PLD5: variants seen among roughly 807,000 people sequenced by gnomAD.
PLD5 encodes the protein phospholipase D family member 5.
Under a neutral mutation model 61.1 loss-of-function variants are expected in PLD5, and 36 were observed. The ratio of observed to expected loss-of-function variants is 0.59; its 90% CI spans 0.45 to 0.78. The LOEUF (loss-of-function observed/expected upper bound fraction) is 0.78, where lower values mean the gene tolerates loss of function less well. Ranked by LOEUF, PLD5 falls within the 30% of genes least tolerant of loss-of-function variation. The pLI, the probability that PLD5 is intolerant of heterozygous loss-of-function variation, is 0.00. For missense variants in PLD5, 515 were observed against 644.4 expected (o/e 0.80, Z 2.17); for synonymous variants, 243 against 242.8 (o/e 1.00, Z -0.01).
chr1:242,111,680 C>A (rs1661516079), intron 7 of PLD5, among the ~76,000 whole-genome samples: 1 of 152,064 alleles, frequency 6.6e-6, no homozygotes, highest in Non-Finnish European at 1.5e-5. Flanking sequence ...AGATGAGTAA[C>A]CAGTCTGAAT....
intron 2 of PLD5, among the ~76,000 whole-genome samples, chr1:242,295,666 A>G (rs979643071): frequency 3.5e-4 from 53 of 152,160 alleles, no homozygotes; most frequent in Non-Finnish European, 6.8e-4. Flanking sequence ...CAGTGATGGA[A>G]TTGCTGGGTC....
intron 9 of PLD5, among the ~76,000 whole-genome samples, chr1:242,099,947 G>T (rs192252416): frequency 6.6e-6 from 1 of 152,186 alleles, no homozygotes; most frequent in Admixed American, 6.5e-5. Flanking sequence ...GGTTATCATG[G>T]ACTCATATAT....
At chr1:242,398,777 G>A (rs1004526874) in intron 1 of PLD5, among the ~76,000 whole-genome samples, 3 of 152,110 alleles carry the variant, frequency 2.0e-5, no homozygotes, top group South Asian at 2.1e-4. Context: ...AACTTCCAGC[G>A]TTGCAAAAAT....
At chr1:242,288,116 A>G (rs1214918738) in intron 3 of PLD5, among the ~76,000 whole-genome samples, 1 of 152,242 alleles carries the variant, frequency 6.6e-6, no homozygotes, top group East Asian at 1.9e-4. Context: ...GCAATTCTGT[A>G]TAAAGAGCCG....
chr1:242,269,377 C>A (rs571821984), intron 3 of PLD5, among the ~76,000 whole-genome samples: 1 of 151,570 alleles, frequency 6.6e-6, no homozygotes, highest in African/African-American at 2.4e-5. Context: ...AGCTGTACCC[C>A]CAAAATAGAG....
rs1489282724 is a variant in PLD5, at chr1:242,186,645, AAAC to A, written c.735+33340_735+33342del. Among the ~76,000 whole-genome samples, 15 of 152,336 alleles carry A rather than the reference AAAC, an allele frequency of 9.8e-5. No individual in the cohort carries two copies. The East Asian group carries it at 2.1e-3, about 22-fold the overall frequency. ...ATTTCAAGAATTTTCAAGAGAAAAA[AAAC>A]AACTAGTGATTGACAAGCTATTAGT... is the stretch of plus-strand genomic sequence containing the variant. On this transcript the variant is annotated intron_variant, in intron 5 of 9. Transcript: ENST00000536534.
intron 1 of PLD5, among the ~76,000 whole-genome samples, chr1:242,493,352 T>TCTGAAGCCTTCATG (rs1668233238): frequency 6.6e-6 from 1 of 152,076 alleles, no homozygotes; most frequent in Non-Finnish European, 1.5e-5. Flanking sequence ...GCAGCGAATG[T>TCTGAAGCCTTCATG]CTGAAGCCTT....
chr1:242,298,901 C>T (rs928699339), intron 2 of PLD5, among the ~76,000 whole-genome samples: 16 of 151,918 alleles, frequency 1.1e-4, no homozygotes, highest in African/African-American at 3.1e-4. Flanking sequence ...AACGGTGGAA[C>T]GTAATGCACC....
intron 5 of PLD5, among the ~76,000 whole-genome samples, chr1:242,125,703 T>C (rs948932575): frequency 6.6e-6 from 1 of 152,198 alleles, no homozygotes; most frequent in Non-Finnish European, 1.5e-5. Flanking sequence ...GGCCCATTGA[T>C]AGTAAACTCC....
chr1:242,527,942 T>G (rs1435471182), upstream of PLD5, among the ~76,000 whole-genome samples: 2 of 152,206 alleles, frequency 1.3e-5, no homozygotes, highest in Non-Finnish European at 2.9e-5. Flanking sequence ...TTATGGACCA[T>G]CCATCCTACT....
At chr1:242,519,011 C>T (rs1572282600) in intron 1 of PLD5, among the ~76,000 whole-genome samples, 1 of 152,316 alleles carries the variant, frequency 6.6e-6, no homozygotes, top group East Asian at 1.9e-4. Flanking sequence ...CTGCCTCCAA[C>T]TATAGCTTGT....
rs140334989 is a variant in PLD5 at position 242,439,500 on chromosome 1, A to G, written c.189+84588T>C. Among the ~76,000 whole-genome samples the G allele has an allele frequency of 3.1e-3, 466 of 152,304 alleles. 7 individuals are homozygous for G. The highest frequency in any genetic ancestry group is 9.8e-3 in the African/African-American group (407 of 41,566). On this transcript the variant is annotated intron_variant, in intron 1 of 9. Coordinates refer to ENST00000536534, the MANE Select transcript of PLD5 (RefSeq NM_001372062.1). ...ACTAGCGGGAAAATGAAGATTAGCC[A>G]TGTGTCCAGGAAAAAGAGAAGGGCA...
chr1:242,391,363 CAT>C (rs1662920623), intron 1 of PLD5, among the ~76,000 whole-genome samples: 1 of 151,724 alleles, frequency 6.6e-6, no homozygotes, highest in South Asian at 2.1e-4. Flanking sequence ...GGTAAAGTAA[CAT>C]AAATAGGAAA....
chr1:242,285,351 A>C (rs1159745868), intron 3 of PLD5, among the ~76,000 whole-genome samples: 1 of 152,124 alleles, frequency 6.6e-6, no homozygotes, highest in East Asian at 1.9e-4. Flanking sequence ...TACAAAAATT[A>C]GCTTGGTGTG....
intron 5 of PLD5, among the ~76,000 whole-genome samples, chr1:242,140,526 A>T (rs1454217265): frequency 6.6e-6 from 1 of 152,158 alleles, no homozygotes; most frequent in Non-Finnish European, 1.5e-5. Context: ...AGTCTCAGCT[A>T]CTCAGGTGGC....
intron 5 of PLD5, among the ~76,000 whole-genome samples, chr1:242,215,890 C>G (rs1305521208): frequency 6.6e-6 from 1 of 152,164 alleles, no homozygotes; most frequent in Non-Finnish European, 1.5e-5. Flanking sequence ...CTCACTTTAC[C>G]TGCTACCTGT....
intron 1 of PLD5, among the ~76,000 whole-genome samples, chr1:242,376,771 G>C (rs111742899): frequency 3.3e-5 from 5 of 152,058 alleles, no homozygotes; most frequent in Admixed American, 6.6e-5. Context: ...GGATATATAC[G>C]ACGAGGTGAA....
chr1:242,454,267 A>G (rs1369070863), intron 1 of PLD5, among the ~76,000 whole-genome samples: 1 of 151,254 alleles, frequency 6.6e-6, no homozygotes, highest in East Asian at 1.9e-4. Context: ...TGGGAGGCAG[A>G]GGCTGCAGTG....
At chr1:242,260,959 C>T (rs1673343037) in intron 4 of PLD5, among the ~76,000 whole-genome samples, 2 of 152,210 alleles carry the variant, frequency 1.3e-5, no homozygotes, top group South Asian at 4.1e-4. Context: ...CAATATTGTC[C>T]ATGTCAATTT....
Sources: gnomAD v4.1 joint callset for allele counts (sites outside exome capture counted in the v4.1 genomes callset) on GRCh38, gnomAD v4.1.1 for gene constraint, MANE v1.5 for transcripts, NCBI Gene and HGNC (gene_info 2026-07-23, HGNC 2026-07-21) for gene names.